The following TEX26 variants were observed in gnomAD, a reference collection of about 807,000 sequenced individuals.
The protein encoded by TEX26 is testis expressed 26.
A neutral mutation model predicts 35.3 loss-of-function variants in TEX26; 34 were observed. That is an observed-to-expected ratio of 0.96 (90% CI 0.73 to 1.28). The LOEUF is 1.28. Among genes scored for constraint, TEX26 ranks in the 50% most tolerant of loss-of-function variants. The pLI is 0.00. For synonymous variants in TEX26, 136 were observed against 111.8 expected, an observed-to-expected ratio of 1.22 and a Z score of -1.36; for missense variants, 371 against 330.1, an observed-to-expected ratio of 1.12 and a Z score of -0.96.
intron 2 of TEX26, among the ~76,000 whole-genome samples, chr13:30,941,049 C>T (rs1253851316): frequency 6.6e-6 from 1 of 152,196 alleles, no homozygotes; most frequent in Non-Finnish European, 1.5e-5. Context: ...TCTTAGCCCC[C>T]TGCTCTTACC....
At chr13:30,935,732 C>A (rs79427466) in intron 1 of TEX26, among the ~76,000 whole-genome samples, 2,819 of 152,300 alleles carry the variant, frequency 0.019, 39 homozygotes, top group African/African-American at 0.038. Context: ...AACACTTGAC[C>A]GGATGACCTG....
chr13:30,938,760 T>G (rs1434011336), intron 1 of TEX26, among the ~76,000 whole-genome samples: 1 of 152,204 alleles, frequency 6.6e-6, no homozygotes, highest in African/African-American at 2.4e-5. Context: ...TGGGACACTT[T>G]TTTTGACTTT....
At chr13:30,960,291 G>A (rs888519085) in intron 4 of TEX26, among the ~76,000 whole-genome samples, 2 of 152,136 alleles carry the variant, frequency 1.3e-5, no homozygotes, top group Admixed American at 1.3e-4. Flanking sequence ...CCACCAGGCT[G>A]GAGTGCAGTT....
chr13:30,967,032 A>T (rs1399341430), intron 5 of TEX26, among the ~76,000 whole-genome samples: 2 of 152,222 alleles, frequency 1.3e-5, no homozygotes, highest in Non-Finnish European at 2.9e-5. Flanking sequence ...AGAGGGAAGG[A>T]TGCAGTTGCT....
chr13:30,936,847 G>A (rs947533361), intron 1 of TEX26: 1 of 985,290 alleles, frequency 1.0e-6, no homozygotes, highest in Non-Finnish European at 1.2e-6. Context: ...GTAGTGACTT[G>A]CAGAGAACAT....
chr13:30,970,308 C>A (rs1954673227), intron 6 of TEX26, among the ~76,000 whole-genome samples: 1 of 151,926 alleles, frequency 6.6e-6, no homozygotes, highest in South Asian at 2.1e-4. Flanking sequence ...CAGGGAGGTA[C>A]AAGAAGCAGG....
intron 4 of TEX26, among the ~76,000 whole-genome samples, chr13:30,965,159 C>T (rs1954482147): frequency 6.6e-6 from 1 of 152,134 alleles, no homozygotes; most frequent in Non-Finnish European, 1.5e-5. Flanking sequence ...ATGCCCTCTC[C>T]TCCTGAGTTA....
intron 2 of TEX26, among the ~76,000 whole-genome samples, chr13:30,945,615 C>T (rs764315361): frequency 5.3e-5 from 8 of 151,806 alleles, no homozygotes; most frequent in Non-Finnish European, 1.0e-4. Flanking sequence ...TTTAGCATTT[C>T]TTGTAGGGCT....
intron 5 of TEX26, among the ~76,000 whole-genome samples, chr13:30,967,096 T>C (rs914813276): frequency 1.3e-5 from 2 of 152,166 alleles, no homozygotes; most frequent in Non-Finnish European, 2.9e-5. Flanking sequence ...CAATTTTCTA[T>C]TGGAAGTGTA....
chr13:30,942,118 A>G (rs1953537363), intron 2 of TEX26, among the ~76,000 whole-genome samples: 2 of 152,220 alleles, frequency 1.3e-5, no homozygotes, highest in Admixed American at 1.3e-4. Context: ...ACTAATTTAC[A>G]TTCCCACCAT....
chr13:30,968,214 TC>T (rs1395118553), intron 5 of TEX26, among the ~76,000 whole-genome samples: 2 of 152,160 alleles, frequency 1.3e-5, no homozygotes, highest in Non-Finnish European at 1.5e-5. Context: ...TTTTATATCA[TC>T]TTGAGGTTAT....
chr13:30,937,512 T>C (rs544276340), intron 1 of TEX26, among the ~76,000 whole-genome samples: 11 of 133,108 alleles, frequency 8.3e-5, no homozygotes, highest in African/African-American at 2.5e-4. Flanking sequence ...TAGAGAAGGC[T>C]TCTTTTACGA....
At chr13:30,939,642 C>A in intron 1 of TEX26, 52 bp from the exon 2 acceptor site, 2 of 1,440,148 alleles carry the variant, frequency 1.4e-6, no homozygotes, top group South Asian at 2.3e-5. Flanking sequence ...AACAACATTT[C>A]TTCAAAATAT....
chr13:30,935,508 C>A (rs1226630923), intron 1 of TEX26, among the ~76,000 whole-genome samples: 1 of 152,236 alleles, frequency 6.6e-6, no homozygotes, highest in African/African-American at 2.4e-5. Flanking sequence ...CAGGGAGAGA[C>A]AAGGGAACCC....
intron 1 of TEX26, among the ~76,000 whole-genome samples, chr13:30,935,446 C>T (rs1953237901): frequency 6.6e-6 from 1 of 152,230 alleles, no homozygotes; most frequent in Non-Finnish European, 1.5e-5. Context: ...CCATAAAAAC[C>T]CTGGGCTCAG....
chr13:30,945,652 C>T (rs112675125), intron 2 of TEX26, among the ~76,000 whole-genome samples: 35,434 of 151,772 alleles, frequency 0.23, 4,973 homozygotes, highest in South Asian at 0.31. Flanking sequence ...ATTCCCTCAG[C>T]ATTTGTTTGT....
intron 1 of TEX26, 64 bp from the exon 2 acceptor site, chr13:30,939,630 A>G (rs1318335098): frequency 3.5e-6 from 5 of 1,410,848 alleles, no homozygotes; most frequent in Non-Finnish European, 4.0e-6. Context: ...CTTAATTGTT[A>G]AAACAACATT....
At chr13:30,932,827 G>T in intron 1 of TEX26, 51 bp downstream of exon 1, 1 of 1,589,618 alleles carries the variant, frequency 6.3e-7, no homozygotes, top group Non-Finnish European at 8.6e-7. Context: ...GGTCTTTCCC[G>T]GGGAAAGGGT....
At chr13:30,936,712 CGGGAGG>C (rs1363919990) in intron 1 of TEX26, 1 of 985,122 alleles carries the variant, frequency 1.0e-6, no homozygotes, top group Admixed American at 6.2e-5. Context: ...GCTGGGTCCA[CGGGAGG>C]GCTTGGGGAC....
Sources: gnomAD v4.1 joint callset for allele counts (sites outside exome capture counted in the v4.1 genomes callset) on GRCh38, gnomAD v4.1.1 for gene constraint, MANE v1.5 for transcripts, NCBI Gene and HGNC (gene_info 2026-07-23, HGNC 2026-07-21) for gene names.